Variants in PDK3 observed in about 807,000 individuals in gnomAD.
The protein encoded by PDK3 is pyruvate dehydrogenase kinase, isozyme 3.
Under a neutral mutation model 32.0 loss-of-function variants are expected in PDK3, and 12 were observed. The observed-to-expected ratio is 0.37, with a 90% CI of 0.24 to 0.61. PDK3 has a LOEUF of 0.61. Ranked by LOEUF, PDK3 falls within the 20% of genes least tolerant of loss-of-function variation. PDK3 has a pLI of 0.65. For synonymous variants in PDK3, 122 were observed against 116.3 expected (o/e 1.05, Z -0.31); for missense variants, 188 against 316.9 (o/e 0.59, Z 3.09).
chrX:24,486,033 C>T (rs751712267), intron 1 of PDK3, among the ~76,000 whole-genome samples: 7 of 112,027 alleles, frequency 6.2e-5, no homozygotes, highest in Middle Eastern at 4.6e-3. Flanking sequence ...CAGAGAAGAT[C>T]GCATTTTCCA....
exon 12 of PDK3, among the ~76,000 whole-genome samples, chrX:24,544,884 T>C (rs966448816): frequency 8.9e-6 from 1 of 112,037 alleles, no homozygotes; most frequent in African/African-American, 3.2e-5. Flanking sequence ...CTTCATAATC[T>C]ACATTTGAGC....
downstream of PDK3, among the ~76,000 whole-genome samples, chrX:24,537,513 TGACA>T (rs1182129187): frequency 1.8e-5 from 2 of 109,838 alleles, no homozygotes; most frequent in South Asian, 3.9e-4. Context: ...CCCTTTTCCT[TGACA>T]GACAGAGCTA....
intron 6 of PDK3, among the ~76,000 whole-genome samples, chrX:24,523,482 G>A (rs368368280): frequency 2.7e-5 from 3 of 112,334 alleles, no homozygotes; most frequent in African/African-American, 9.7e-5. Flanking sequence ...CTGGTTTGCC[G>A]AAGATTGTCC....
intron 5 of PDK3, among the ~76,000 whole-genome samples, chrX:24,512,825 G>C (rs5986552): frequency 1.8e-5 from 2 of 109,901 alleles, no homozygotes; most frequent in Admixed American, 1.9e-4. Context: ...TGTCTTTGCA[G>C]CTGGAGTTGC....
chrX:24,505,238 G>C lies in PDK3; in HGVS notation c.535G>C (p.Val179Leu). 8.3e-7 allele frequency: 1 copy of C among 1,206,889 alleles called. No homozygotes were observed. ...TLLFGGDTNP[V>L]HPKHIGSIDP... ...TCTGTTTGGGGGTGACACTAATCCT[G>C]TTCATCCTAAACACATAGGAAGTAT... The change falls in exon 5 of 11, where the codon GTT (valine) becomes CTT (leucine). Residue 179 changes from valine to leucine, a missense_variant. Transcript: ENST00000379162.
rs1336994317 is a variant in PDK3, at chrX:24,522,452, AAAAAAT to A, written c.673+3454_673+3459del. Among the ~76,000 whole-genome samples, 4 of 111,913 alleles carry A rather than the reference AAAAAAT, an allele frequency of 3.6e-5. No homozygotes were observed. The East Asian group carries it at 8.4e-4, about 23-fold the overall frequency. Reference sequence around the variant, plus strand: ...CTCCTAGAGAATGTTGTTTAAACTGAAAAAATAAAAATAAAAAAACCCACTATATAA... The same window carrying A: ...CTCCTAGAGAATGTTGTTTAAACTGAAAAAATAAAAAAACCCACTATATAA... On this transcript the variant is annotated intron_variant, in intron 6 of 10. Transcript: ENST00000379162.
At chrX:24,510,410 C>A (rs1389829577) in intron 5 of PDK3, among the ~76,000 whole-genome samples, 1 of 111,923 alleles carries the variant, frequency 8.9e-6, no homozygotes, top group East Asian at 2.8e-4. Context: ...GCCATTTTCC[C>A]AAAATAATAA....
Position 24,494,949 on chromosome X carries a change from A to G in PDK3, c.248+66A>G, listed in dbSNP as rs879011015. The G allele has an allele frequency of 1.5e-5, 15 of 1,021,084 alleles. No individual in the cohort carries two copies. The South Asian group carries it at 2.3e-4, about 16-fold the overall frequency. The allele number at this position is 1,021,084 out of a possible 1,213,427, so 84.1% of individuals were successfully genotyped here. A position where few individuals can be genotyped will look rare whatever the true frequency, so the allele number is the denominator to read the frequency against. On this transcript the variant is annotated intron_variant, in intron 2 of 10. Coordinates refer to ENST00000379162, the MANE Select transcript of PDK3 (RefSeq NM_005391.5). ...GCTGTGAACATTTGGCAGCGAGACCATTCTCTGTAAAAGTGCACATACTGC... is the reference window on the plus strand; with the variant it reads ...GCTGTGAACATTTGGCAGCGAGACCGTTCTCTGTAAAAGTGCACATACTGC...
intron 9 of PDK3, among the ~76,000 whole-genome samples, chrX:24,531,049 T>TTGTGTGTGTGTG (rs760426568): frequency 1.0e-4 from 10 of 98,169 alleles, no homozygotes; most frequent in African/African-American, 3.0e-4. Flanking sequence ...GAATGTGCTT[T>TTGTGTGTGTGTG]TGTGTGTGTG....
chrX:24,468,766 A>C (rs1940085794), intron 1 of PDK3, among the ~76,000 whole-genome samples: 1 of 112,522 alleles, frequency 8.9e-6, no homozygotes, highest in Non-Finnish European at 1.9e-5. Context: ...CAGTTAGCAA[A>C]TATAGCAAGA....
chrX:24,471,051 C>T (rs768699273), intron 1 of PDK3, among the ~76,000 whole-genome samples: 1 of 110,041 alleles, frequency 9.1e-6, no homozygotes, highest in Non-Finnish European at 1.9e-5. Flanking sequence ...CAGGGCCTGT[C>T]GGGAGGTGGG....
At position 24,489,940 on chromosome X, in the gene PDK3, T is replaced by C. The variant is rs763047115; in HGVS notation, c.107-4802T>C. ...GGTTCTCTTAGACCATGCCTAGTAG[T>C]TGAGTTTTAACTATTGCAGAATCAT... On this transcript the variant is annotated intron_variant, in intron 1 of 10. Transcript: ENST00000379162. Among the ~76,000 whole-genome samples, 10 of 110,503 alleles carry C rather than the reference T, an allele frequency of 9.0e-5. No individual in the cohort carries two copies. In the Admixed American group the frequency reaches 9.7e-4, roughly 11 times the overall value.
chrX:24,523,604 G>A (rs760065912), intron 6 of PDK3, among the ~76,000 whole-genome samples: 1 of 112,465 alleles, frequency 8.9e-6, no homozygotes, highest in African/African-American at 3.2e-5. Flanking sequence ...GAGGGATGAC[G>A]GGAGGCAGCT....
In PDK3 at chrX:24,519,001, G is replaced by A; in HGVS notation, c.664G>A (p.Glu222Lys). The change falls in exon 6 of 11, where the codon GAA becomes AAA. Residue 222 changes from glutamate to lysine, a missense_variant. Transcript: ENST00000379162. ...YLVAPELEVE[E>K]FNAKAPDKPI... ...GGTAGCTCCAGAGCTGGAAGTTGAA[G>A]AATTCAATGGTAAAAGAAAACTAAT... 8.5e-7 allele frequency: 1 copy of A among 1,173,189 alleles called. No individual in the cohort carries two copies. The highest frequency in any genetic ancestry group is 1.8e-5 in the African/African-American group (1 of 56,841).
In PDK3 at chrX:24,533,958, T is replaced by C; in HGVS notation, c.1107T>C (p.Leu369=). Residue 369 remains leucine (L), a synonymous_variant, in exon 11 of 11, where the codon CTT becomes CTC. Transcript: ENST00000379162. ...KALSSESFER[L]PVFNKSAWRH... ...TTTCAAGTGAGTCATTTGAGAGACT[T>C]CCAGTTTTTAATAAGTCCGCATGGC... 1 of 1,207,632 alleles carries C rather than the reference T, an allele frequency of 8.3e-7. No individual in the cohort carries two copies. The highest frequency in any genetic ancestry group is 1.7e-5 in the African/African-American group (1 of 57,791).
chrX:24,516,095 A>G (rs1016152808), intron 5 of PDK3, among the ~76,000 whole-genome samples: 9 of 111,747 alleles, frequency 8.1e-5, no homozygotes, highest in African/African-American at 2.9e-4. Flanking sequence ...CCCTAATCTT[A>G]TCTTTGTATT....
intron 3 of PDK3, among the ~76,000 whole-genome samples, chrX:24,501,381 T>A (rs1414191078): frequency 8.9e-6 from 1 of 112,943 alleles, no homozygotes; most frequent in African/African-American, 3.2e-5. Context: ...TTTGTAGTTT[T>A]CATGCTACTA....
chrX:24,527,682 GT>G lies in PDK3; in HGVS notation c.852+11del. On this transcript the variant is annotated splice_region_variant and intron_variant, in intron 8 of 10. Transcript: ENST00000379162. ...AGAAGACTTATCCATTAAGGTAACT[GT>G]TTTATGTGCATGTATACTTTAATTA... The G allele has an allele frequency of 1.0e-6, 1 of 972,093 alleles. No homozygotes were observed. Among genetic ancestry groups the G allele is most frequent in the Admixed American group, 2.4e-5 (1 of 40,827 alleles). The allele number at this position is 972,093 out of a possible 1,213,427, so 80.1% of individuals were successfully genotyped here. A position where few individuals can be genotyped will look rare whatever the true frequency, so the allele number is the denominator to read the frequency against.
At chrX:24,470,740 C>T (rs1330603310) in intron 1 of PDK3, among the ~76,000 whole-genome samples, 3 of 104,474 alleles carry the variant, frequency 2.9e-5, no homozygotes, top group Non-Finnish European at 5.9e-5. Flanking sequence ...AATTATCCTA[C>T]TCATTGAGGT....
Sources: allele counts gnomAD v4.1 joint callset (sites outside exome capture counted in the v4.1 genomes callset), GRCh38; gene constraint gnomAD v4.1.1; transcripts MANE v1.5; gene names NCBI Gene and HGNC (gene_info 2026-07-23, HGNC 2026-07-21).